The following GRID2 variants were observed in gnomAD, a reference collection of about 807,000 sequenced individuals.
GRID2 encodes glutamate receptor ionotropic, delta-2.
GRID2 carries 33 observed loss-of-function variants against 114.8 expected under a neutral mutation model. The ratio of observed to expected loss-of-function variants is 0.29; its 90% CI spans 0.22 to 0.38. The LOEUF is 0.38. GRID2 is among the 10% of genes least tolerant of loss of function. The probability of loss-of-function intolerance (pLI) is 1.00; values close to 1 mark genes in which losing one functional copy is unlikely to be tolerated. For missense variants in GRID2, 1,184 were observed against 1,257.7 expected, an observed-to-expected ratio of 0.94 and a Z score of 0.89; for synonymous variants, 505 against 449.9, an observed-to-expected ratio of 1.12 and a Z score of -1.55.
chr4:92,399,344 G>A (rs532756488), intron 1 of GRID2, among the ~76,000 whole-genome samples: 3 of 151,958 alleles, frequency 2.0e-5, no homozygotes, highest in Admixed American at 6.6e-5. Context: ...AGCAGTTCCC[G>A]TCTTCCTTCA....
At position 92,959,057 on chromosome 4, in the gene GRID2, CT is replaced by C. The variant is rs74267681; in HGVS notation, c.245-125920del. Among the ~76,000 whole-genome samples the C allele has an allele frequency of 9.8e-3, 693 of 70,850 alleles. 5 individuals are homozygous for C. Among genetic ancestry groups the C allele is most frequent in the African/African-American group, 0.027 (543 of 19,894 alleles). The allele number at this position is 70,850 out of a possible 152,430, so 46.5% of individuals were successfully genotyped here. ...ATGTTAGTAATTTGAGTCCACTCTTCTTTTTTTTTTTTTTTTTTCCTTAGCC... is the reference window on the plus strand; with the variant it reads ...ATGTTAGTAATTTGAGTCCACTCTTCTTTTTTTTTTTTTTTTTCCTTAGCC... On this transcript the variant is annotated intron_variant, in intron 2 of 15. Coordinates refer to ENST00000282020, the MANE Select transcript of GRID2 (RefSeq NM_001510.4).
intron 9 of GRID2, among the ~76,000 whole-genome samples, chr4:93,411,952 AAAG>A (rs1177059389): frequency 6.6e-6 from 1 of 150,656 alleles, no homozygotes; most frequent in Non-Finnish European, 1.5e-5. Context: ...AAAAAAAAAA[AAAG>A]AAAAAAGAAA....
intron 1 of GRID2, among the ~76,000 whole-genome samples, chr4:92,550,876 G>A (rs1026022907): frequency 7.9e-5 from 12 of 152,250 alleles, no homozygotes; most frequent in Admixed American, 4.6e-4. Context: ...AACACTTGCA[G>A]TTTAATGTTA....
intron 13 of GRID2, among the ~76,000 whole-genome samples, chr4:93,597,268 C>A (rs759620548): frequency 2.0e-5 from 3 of 152,144 alleles, no homozygotes; most frequent in Non-Finnish European, 2.9e-5. Flanking sequence ...AGTCTTTCCT[C>A]ATGTGATAGT....
intron 14 of GRID2, among the ~76,000 whole-genome samples, chr4:93,726,384 G>A (rs1437816563): frequency 6.6e-6 from 1 of 152,172 alleles, no homozygotes; most frequent in Admixed American, 6.5e-5. Context: ...TTTGGTTACT[G>A]TAGCCTTGTA....
At position 93,165,889 on chromosome 4, in the gene GRID2, A is replaced by T. The variant is rs144382673; in HGVS notation, c.736-41515A>T. ...AAACACTGAAAATTAGAGGAATGTCATTTGTATTTATTAATACTCAACCAA... is the reference window on the plus strand; with the variant it reads ...AAACACTGAAAATTAGAGGAATGTCTTTTGTATTTATTAATACTCAACCAA... On this transcript the variant is annotated intron_variant, in intron 4 of 15. Coordinates refer to ENST00000282020, the MANE Select transcript of GRID2 (RefSeq NM_001510.4). Among the ~76,000 whole-genome samples the T allele has an allele frequency of 1.2e-4, 18 of 152,234 alleles. No individual in the cohort carries two copies. In the East Asian group the frequency reaches 3.1e-3, roughly 26 times the overall value.
intron 1 of GRID2, among the ~76,000 whole-genome samples, chr4:92,343,981 C>T (rs972272069): frequency 1.3e-5 from 2 of 152,124 alleles, no homozygotes; most frequent in Non-Finnish European, 2.9e-5. Flanking sequence ...AAAGGTCTTC[C>T]TCCTTGTCTT....
At chr4:92,305,452 G>A (rs1368198161) in intron 1 of GRID2, among the ~76,000 whole-genome samples, 4 of 152,176 alleles carry the variant, frequency 2.6e-5, no homozygotes, top group Non-Finnish European at 5.9e-5. Context: ...TGACCCCGGG[G>A]CGCTTGGGAA....
intron 8 of GRID2, among the ~76,000 whole-genome samples, chr4:93,275,612 T>C (rs1751972987): frequency 6.6e-6 from 1 of 151,812 alleles, no homozygotes; most frequent in Non-Finnish European, 1.5e-5. Flanking sequence ...TCATGTTATT[T>C]GTTATCATTC....
intron 2 of GRID2, among the ~76,000 whole-genome samples, chr4:92,980,295 C>A (rs1427251631): frequency 6.6e-6 from 1 of 151,594 alleles, no homozygotes; most frequent in Non-Finnish European, 1.5e-5. Context: ...CTTATTTGCA[C>A]TTGAGGTTCA....
intron 1 of GRID2, among the ~76,000 whole-genome samples, chr4:92,478,119 T>C (rs1231882732): frequency 6.6e-6 from 1 of 151,994 alleles, no homozygotes; most frequent in African/African-American, 2.4e-5. Context: ...TCTATATTAC[T>C]GCAATTACCA....
chr4:93,414,113 A>T (rs1051529203), intron 9 of GRID2, among the ~76,000 whole-genome samples: 3 of 152,140 alleles, frequency 2.0e-5, no homozygotes, highest in African/African-American at 7.2e-5. Context: ...TTATAACCCC[A>T]CATCCAATAT....
intron 2 of GRID2, among the ~76,000 whole-genome samples, chr4:92,859,941 C>T (rs1744416589): frequency 6.6e-6 from 1 of 152,102 alleles, no homozygotes; most frequent in African/African-American, 2.4e-5. Flanking sequence ...CCCCTCTAGT[C>T]ATCACCATCA....
intron 1 of GRID2, among the ~76,000 whole-genome samples, chr4:92,585,989 A>G (rs535341504): frequency 4.6e-5 from 7 of 151,574 alleles, no homozygotes; most frequent in Non-Finnish European, 5.9e-5. Context: ...GAATTTAGGT[A>G]TTTTATTTTA....
intron 2 of GRID2, among the ~76,000 whole-genome samples, chr4:92,809,690 A>G (rs1740576764): frequency 6.6e-6 from 1 of 152,026 alleles, no homozygotes; most frequent in South Asian, 2.1e-4. Flanking sequence ...CAGAAATAGG[A>G]TAAAACAAGA....
chr4:92,369,188 A>G (rs1357315395), intron 1 of GRID2, among the ~76,000 whole-genome samples: 1 of 152,124 alleles, frequency 6.6e-6, no homozygotes, highest in African/African-American at 2.4e-5. Context: ...CTAGGTGCCA[A>G]GTTACATCTT....
At chr4:93,731,834 G>A (rs1444879093) in intron 14 of GRID2, among the ~76,000 whole-genome samples, 1 of 152,202 alleles carries the variant, frequency 6.6e-6, no homozygotes, top group African/African-American at 2.4e-5. Flanking sequence ...TCCCCAGAAA[G>A]CCTGGGCCTT....
intron 14 of GRID2, among the ~76,000 whole-genome samples, chr4:93,679,072 G>A (rs1578549124): frequency 1.3e-5 from 2 of 151,134 alleles, no homozygotes; most frequent in Admixed American, 1.3e-4. Flanking sequence ...AAAATAAAAG[G>A]ATGGAGGAAG....
chr4:93,181,426 A>AGGAATACT (rs1739885394), intron 4 of GRID2, among the ~76,000 whole-genome samples: 1 of 152,154 alleles, frequency 6.6e-6, no homozygotes, highest in African/African-American at 2.4e-5. Flanking sequence ...TGAAATGGTA[A>AGGAATACT]GGAATACTGG....
Sources: gnomAD v4.1 joint callset for allele counts (sites outside exome capture counted in the v4.1 genomes callset) on GRCh38, gnomAD v4.1.1 for gene constraint, MANE v1.5 for transcripts, NCBI Gene and HGNC (gene_info 2026-07-23, HGNC 2026-07-21) for gene names.